SLC8A3: variants seen among roughly 807,000 people sequenced by gnomAD.
SLC8A3 encodes the protein solute carrier family 8 member A3.
Under a neutral mutation model 65.4 loss-of-function variants are expected in SLC8A3, and 37 were observed. The observed-to-expected ratio is 0.57, with a 90% confidence interval of 0.44 to 0.74. The LOEUF (loss-of-function observed/expected upper bound fraction) is 0.74, where lower values mean the gene tolerates loss of function less well. Ranked by LOEUF, SLC8A3 falls within the 30% of genes least tolerant of loss-of-function variation. SLC8A3 has a pLI of 0.00. For missense variants in SLC8A3, 1,112 were observed against 1,172.1 expected (o/e 0.95, Z 0.75); for synonymous variants, 461 against 444.5 (o/e 1.04, Z -0.47).
intron 1 of SLC8A3, among the ~76,000 whole-genome samples, chr14:70,172,507 G>A (rs1897612204): frequency 6.6e-6 from 1 of 152,136 alleles, no homozygotes; most frequent in African/African-American, 2.4e-5. Flanking sequence ...TCCCACACCT[G>A]CTCAGAGGAG....
At chr14:70,060,733 G>A in intron 3 of SLC8A3, 103 bp downstream of exon 3, 1 of 784,752 alleles carries the variant, frequency 1.3e-6, no homozygotes, top group Non-Finnish European at 2.3e-6. Flanking sequence ...GAAAAGGAGG[G>A]AGACAAAAAT....
intron 1 of SLC8A3, among the ~76,000 whole-genome samples, chr14:70,177,427 C>G (rs1346071420): frequency 1.3e-5 from 2 of 152,208 alleles, no homozygotes; most frequent in Non-Finnish European, 2.9e-5. Flanking sequence ...ACCAAAACAA[C>G]TACCAGATTT....
At chr14:70,089,566 G>T (rs997789738) in intron 2 of SLC8A3, among the ~76,000 whole-genome samples, 4 of 152,162 alleles carry the variant, frequency 2.6e-5, no homozygotes, top group African/African-American at 9.7e-5. Context: ...TTTTGAAAAT[G>T]ACACTTTCAA....
At chr14:70,096,650 G>C (rs1892198384) in intron 2 of SLC8A3, among the ~76,000 whole-genome samples, 1 of 152,098 alleles carries the variant, frequency 6.6e-6, no homozygotes, top group Admixed American at 6.5e-5. Flanking sequence ...GTATCAAATG[G>C]GGGTATTTAC....
chr14:70,166,201 A>T (rs1897150170), intron 2 of SLC8A3, among the ~76,000 whole-genome samples: 1 of 152,216 alleles, frequency 6.6e-6, no homozygotes, highest in Non-Finnish European at 1.5e-5. Flanking sequence ...CTGATGGGCT[A>T]TTGCTGCCCA....
chr14:70,049,573 A>G (rs1887229132), intron 5 of SLC8A3, among the ~76,000 whole-genome samples: 1 of 152,076 alleles, frequency 6.6e-6, no homozygotes, highest in Non-Finnish European at 1.5e-5. Flanking sequence ...TGGCACGTGT[A>G]TACCTATGTA....
chr14:70,098,961 G>A (rs551226147), intron 2 of SLC8A3, among the ~76,000 whole-genome samples: 18 of 152,178 alleles, frequency 1.2e-4, no homozygotes, highest in African/African-American at 3.9e-4. Context: ...ACGGTTCTCC[G>A]GGCTGCTAGA....
Position 70,048,888 on chromosome 14 carries a change from G to A in SLC8A3, c.2268C>T (p.Ile756=). ...TGGCGGTGAGCATGCCAATGATGAGGATGGAGACGGCGAAGCAGGCCCAGC... is the reference window on the plus strand; with the variant it reads ...TGGCGGTGAGCATGCCAATGATGAGAATGGAGACGGCGAAGCAGGCCCAGC... ...CHGWACFAVS[I]LIIGMLTAII... is the part of the protein sequence containing the mutation. The change falls in exon 6 of 7, where the codon ATC becomes ATT. Residue 756 remains isoleucine (I), a synonymous_variant. Transcript: ENST00000356921. The A allele has an allele frequency of 1.9e-6, 3 of 1,614,226 alleles. No homozygotes were observed. Among genetic ancestry groups the A allele is most frequent in the Non-Finnish European group, 1.7e-6 (2 of 1,180,046 alleles).
intron 2 of SLC8A3, among the ~76,000 whole-genome samples, chr14:70,151,677 A>G (rs1368445324): frequency 6.6e-6 from 1 of 152,208 alleles, no homozygotes; most frequent in Admixed American, 6.5e-5. Flanking sequence ...GGTAGCTTAA[A>G]ACAGTAGAAA....
intron 2 of SLC8A3, among the ~76,000 whole-genome samples, chr14:70,096,699 C>T (rs1892201797): frequency 6.6e-6 from 1 of 152,194 alleles, no homozygotes; most frequent in South Asian, 2.1e-4. Flanking sequence ...GAATAATAAA[C>T]AAATCCTCAA....
At chr14:70,154,941 A>G (rs1896485664) in intron 2 of SLC8A3, among the ~76,000 whole-genome samples, 2 of 133,440 alleles carry the variant, frequency 1.5e-5, no homozygotes, top group African/African-American at 2.8e-5. Context: ...TTTTTTTGAG[A>G]CAGAGTGTCA....
Position 70,166,427 on chromosome 14 carries a change from T to G in SLC8A3, c.1784+212A>C, listed in dbSNP as rs535939688. Among the ~76,000 whole-genome samples, 147 of 152,362 alleles carry G rather than the reference T, an allele frequency of 9.6e-4. 1 individual carries two copies. Among genetic ancestry groups the G allele is most frequent in the African/African-American group, 3.3e-3 (139 of 41,588 alleles). On this transcript the variant is annotated intron_variant, in intron 2 of 6. Transcript: ENST00000356921. Reference sequence around the variant, plus strand: ...CCTTAGCTCTTGTCACAGGATTCCTTGCCCAGAAACAATTTAAAGTGAGAA... The same window carrying G: ...CCTTAGCTCTTGTCACAGGATTCCTGGCCCAGAAACAATTTAAAGTGAGAA...
At chr14:70,104,810 G>A (rs1892748934) in intron 2 of SLC8A3, among the ~76,000 whole-genome samples, 1 of 152,050 alleles carries the variant, frequency 6.6e-6, no homozygotes, top group Admixed American at 6.6e-5. Flanking sequence ...AGTGCTTAAA[G>A]GGAAATGTGT....
At position 70,081,232 on chromosome 14, in the gene SLC8A3, C is replaced by T. The variant is rs554426405; in HGVS notation, c.1785-20293G>A. ...TTCTATAAGGGTAGTGGTTGAAGTACCCATATTAGAAACATCTGGTATAAT... is the reference window on the plus strand; with the variant it reads ...TTCTATAAGGGTAGTGGTTGAAGTATCCATATTAGAAACATCTGGTATAAT... On this transcript the variant is annotated intron_variant, in intron 2 of 6. Coordinates refer to ENST00000356921, the MANE Select transcript of SLC8A3 (RefSeq NM_182932.3). 2.7e-3 allele frequency among the ~76,000 whole-genome samples: 410 copies of T among 152,268 alleles called. 20 individuals carry two copies. In the South Asian group the frequency reaches 0.066, roughly 24 times the overall value.
chr14:70,056,268 C>T (rs1888104382), intron 3 of SLC8A3, among the ~76,000 whole-genome samples: 1 of 152,198 alleles, frequency 6.6e-6, no homozygotes, highest in African/African-American at 2.4e-5. Context: ...GACCATGGGG[C>T]TTGAATGGGA....
chr14:70,046,777 G>A lies in SLC8A3; in HGVS notation c.2390-454C>T, dbSNP rs990795396. The stretch of plus-strand genomic sequence containing the variant: ...AGCAATGCCTACTGATTGAGCACTG[G>A]GTGAGGTGCTGGATTTTGGGGACAG... On this transcript the variant is annotated intron_variant, in intron 6 of 6. Coordinates refer to ENST00000356921, the MANE Select transcript of SLC8A3 (RefSeq NM_182932.3). The surrounding 1 kb of genome is among the most constrained non-coding windows in gnomAD (Gnocchi z 4.2). 1.3e-5 allele frequency: 2 copies of A among 158,414 alleles called. No homozygotes were observed. The highest frequency in any genetic ancestry group is 2.4e-5 in the African/African-American group (1 of 41,530). 9.8% of individuals were successfully genotyped at this position (158,414 alleles called of 1,614,324 possible). A position where few individuals can be genotyped will look rare whatever the true frequency, so the allele number is the denominator to read the frequency against.
At chr14:70,184,966 CTTTTTTTT>C (rs11337843) in intron 1 of SLC8A3, among the ~76,000 whole-genome samples, 9 of 108,668 alleles carry the variant, frequency 8.3e-5, no homozygotes, top group South Asian at 3.1e-4. Flanking sequence ...TTTTTCTTTT[CTTTTTTTT>C]TTTTTTTTTT....
At chr14:70,054,729 A>T (rs1426419972) in intron 3 of SLC8A3, among the ~76,000 whole-genome samples, 1 of 152,174 alleles carries the variant, frequency 6.6e-6, no homozygotes, top group Non-Finnish European at 1.5e-5. Context: ...TTTCCACAAA[A>T]GAAAAATGTA....
intron 2 of SLC8A3, among the ~76,000 whole-genome samples, chr14:70,154,500 C>T (rs556081163): frequency 1.3e-5 from 2 of 152,308 alleles, no homozygotes; most frequent in Admixed American, 1.3e-4. Context: ...ATATATGGCT[C>T]CCAAAGCCAA....
Sources: allele counts gnomAD v4.1 joint callset (sites outside exome capture counted in the v4.1 genomes callset), GRCh38; gene constraint gnomAD v4.1.1; non-coding constraint Gnocchi (gnomAD v3.1); transcripts MANE v1.5; gene names NCBI Gene and HGNC (gene_info 2026-07-23, HGNC 2026-07-21).